The following RECQL variants were observed in gnomAD, a reference collection of about 807,000 sequenced individuals.
The protein encoded by RECQL is ATP-dependent DNA helicase Q1.
In RECQL, 73 loss-of-function variants were observed where a neutral mutation model predicts 75.8. The observed-to-expected ratio is 0.96, with a 90% CI of 0.80 to 1.17. RECQL has a LOEUF of 1.17. Among genes scored for constraint, RECQL ranks in the 50% most tolerant of loss-of-function variants. The pLI is 0.00. For synonymous variants in RECQL, 248 were observed against 254.4 expected (o/e 0.97, Z 0.24); for missense variants, 699 against 772.1 (o/e 0.91, Z 1.12).
In RECQL at chr12:21,483,390, T is replaced by C. The variant is rs771743018; in HGVS notation, c.686A>G (p.His229Arg). ...DEVHCCSQWG[H>R]DFRPDYKALG... ...AACATACATACCAGGTCTGAAATCA[T>C]GTCCCCACTGACTACAGCAGTGAAC... is the stretch of plus-strand genomic sequence containing the variant. The change falls in exon 6 of 15, where the codon CAT (histidine) becomes CGT (arginine). Residue 229 changes from histidine (H) to arginine (R), a missense_variant. His to Arg is a conservative substitution (Grantham distance 29, BLOSUM62 0). Around this residue, in one of 2 missense-constraint regions of RECQL, gnomAD observed 669 missense variants for 713.5 expected, o/e 0.94. Coordinates refer to ENST00000444129, the MANE Select transcript of RECQL (RefSeq NM_002907.4). 1.2e-5 allele frequency: 19 copies of C among 1,601,940 alleles called. No homozygotes were observed. The highest frequency in any genetic ancestry group is 1.5e-5 in the Non-Finnish European group (18 of 1,176,298).
At position 21,469,929 on chromosome 12, in the gene RECQL, A is replaced by G; in HGVS notation, c.*265T>C. On this transcript the variant is annotated 3_prime_UTR_variant, in exon 15 of 15. Coordinates refer to ENST00000444129, the MANE Select transcript of RECQL (RefSeq NM_002907.4). ...GGCATAAAAAACTTAAGACGATTGT[A>G]TGAACTTATTCTCAAATATTTTACA... The G allele has an allele frequency of 3.0e-6, 1 of 336,116 alleles. No individual in the cohort carries two copies. Among genetic ancestry groups the G allele is most frequent in the South Asian group, 4.9e-5 (1 of 20,474 alleles). 20.8% of individuals were successfully genotyped at this position (336,116 alleles called of 1,614,324 possible).
In RECQL at chr12:21,473,781, C is replaced by G. The variant is rs149541163; in HGVS notation, c.1356-139G>C. The G allele has an allele frequency of 5.8e-4, 380 of 653,098 alleles. 1 individual carries two copies. The East Asian group carries it at 9.9e-3, about 17-fold the overall frequency. 40.5% of individuals were successfully genotyped at this position (653,098 alleles called of 1,614,324 possible). ...TTACCATAAACTTAGTGGCTTTAAA[C>G]ACATTTATTCTTACATTTCTGTGGT... On this transcript the variant is annotated intron_variant, in intron 11 of 14. Coordinates refer to ENST00000444129, the MANE Select transcript of RECQL (RefSeq NM_002907.4).
chr12:21,474,878 G>T lies in RECQL; in HGVS notation c.1318C>A (p.Leu440Ile). 1.2e-6 allele frequency: 2 copies of T among 1,613,070 alleles called. No homozygotes were observed. Among genetic ancestry groups the T allele is most frequent in the South Asian group, 1.1e-5 (1 of 91,038 alleles). The change falls in exon 11 of 15, where the codon CTT becomes ATT. Residue 440 changes from leucine to isoleucine, a missense_variant. By Grantham distance (5) the Leu-to-Ile change is conservative. Around this residue, in one of 2 missense-constraint regions of RECQL, gnomAD observed 669 missense variants for 713.5 expected, o/e 0.94. Coordinates refer to ENST00000444129, the MANE Select transcript of RECQL (RefSeq NM_002907.4). Reference protein sequence around the residue: ...VVMENVGQQKLYEMVSYCQNI... With the variant: ...VVMENVGQQKIYEMVSYCQNI... ...TGACAGTATGATACCATCTCATAAA[G>T]CTTCTGCTGTCCCACATTTTCCATC...
rs1158488006 is a variant in RECQL, at chr12:21,473,647, A to C, written c.1356-5T>G. 2.5e-6 allele frequency: 4 copies of C among 1,609,808 alleles called. No homozygotes were observed. In the South Asian group the frequency reaches 3.3e-5, roughly 13 times the overall value. ...GCCATCAACACACGACGACATCTGC[A>C]AACACATTTAAAGATACAAATTATT... On this transcript the variant is annotated splice_polypyrimidine_tract_variant and splice_region_variant and intron_variant, in intron 11 of 14. Coordinates refer to ENST00000444129, the MANE Select transcript of RECQL (RefSeq NM_002907.4).
chr12:21,495,206 T>G (rs1206194163), intron 2 of RECQL, among the ~76,000 whole-genome samples: 1 of 152,136 alleles, frequency 6.6e-6, no homozygotes, highest in Non-Finnish European at 1.5e-5. Flanking sequence ...TTGGAGCCTG[T>G]TGGGGAAGGA....
chr12:21,490,693 AT>A (rs869217650), intron 3 of RECQL, among the ~76,000 whole-genome samples: 5 of 152,042 alleles, frequency 3.3e-5, no homozygotes, highest in African/African-American at 4.8e-5. Flanking sequence ...CTATAAAAAA[AT>A]TTTTTTTAAA....
intron 6 of RECQL, 66 bp downstream of exon 6, chr12:21,483,310 T>A: frequency 9.9e-7 from 1 of 1,012,830 alleles, no homozygotes; most frequent in Non-Finnish European, 1.5e-6. Context: ...GAGATTTCCA[T>A]CATGCCAAGC....
chr12:21,491,687 T>C lies in RECQL; in HGVS notation c.46A>G (p.Ser16Gly), dbSNP rs1943418187. The change falls in exon 3 of 15, where the codon AGT (serine) becomes GGT (glycine). Residue 16 changes from serine (S) to glycine (G), a missense_variant. Coordinates refer to ENST00000444129, the MANE Select transcript of RECQL (RefSeq NM_002907.4). The part of the protein sequence containing the change: ...ALTEELDSIT[S>G]ELHAVEIQIQ... Reference sequence around the variant, plus strand: ...TGAATTTCTACTGCATGTAGCTCACTGGTTATAGAATCCAGTTCCTCAGTT... The same window carrying C: ...TGAATTTCTACTGCATGTAGCTCACCGGTTATAGAATCCAGTTCCTCAGTT... 1.9e-6 allele frequency: 3 copies of C among 1,613,436 alleles called. No individual in the cohort carries two copies. Among genetic ancestry groups the C allele is most frequent in the Non-Finnish European group, 1.7e-6 (2 of 1,179,704 alleles).
At chr12:21,477,684 C>T in intron 7 of RECQL, 119 bp downstream of exon 7, 1 of 679,548 alleles carries the variant, frequency 1.5e-6, no homozygotes, top group Non-Finnish European at 2.3e-6. Flanking sequence ...ATAATTACCT[C>T]CTAATGTTAA....
intron 6 of RECQL, among the ~76,000 whole-genome samples, chr12:21,481,435 T>A (rs1405147538): frequency 6.6e-6 from 1 of 152,046 alleles, no homozygotes; most frequent in African/African-American, 2.4e-5. Context: ...ACATAAGTCA[T>A]GGTAATACTT....
chr12:21,488,071 T>A (rs369296085), intron 4 of RECQL, among the ~76,000 whole-genome samples: 3 of 152,180 alleles, frequency 2.0e-5, no homozygotes, highest in East Asian at 3.9e-4. Flanking sequence ...ACTCACCAGT[T>A]CCACTTCCTC....
chr12:21,472,552 TAGA>T (rs386761073), intron 12 of RECQL, among the ~76,000 whole-genome samples: 2,876 of 152,138 alleles, frequency 0.019, 83 homozygotes, highest in African/African-American at 0.064. Flanking sequence ...AGGGAGTTCC[TAGA>T]ACCATGTAAT....
At chr12:21,484,573 T>C (rs985777094) in intron 5 of RECQL, among the ~76,000 whole-genome samples, 2 of 152,088 alleles carry the variant, frequency 1.3e-5, no homozygotes, top group African/African-American at 4.8e-5. Flanking sequence ...CAGGGCTTCT[T>C]AGAGGTATGG....
intron 10 of RECQL, among the ~76,000 whole-genome samples, chr12:21,475,256 A>C (rs1463649237): frequency 6.6e-6 from 1 of 152,122 alleles, no homozygotes; most frequent in Non-Finnish European, 1.5e-5. Flanking sequence ...ATGAACATCA[A>C]ATTATCTTAA....
chr12:21,476,960 A>G lies in RECQL; in HGVS notation c.900T>C (p.Phe300=). The G allele has an allele frequency of 6.2e-7, 1 of 1,610,470 alleles. No individual in the cohort carries two copies. The highest frequency in any genetic ancestry group is 8.5e-7 in the Non-Finnish European group (1 of 1,178,496). The change falls in exon 8 of 15, where the codon TTT becomes TTC. Residue 300 remains phenylalanine (F), a synonymous_variant. Coordinates refer to ENST00000444129, the MANE Select transcript of RECQL (RefSeq NM_002907.4). ...VRQKPSNTED[F]IEDIVKLING... is the part of the protein sequence containing the mutation. Reference sequence around the variant, plus strand: ...TAATGAGCTTTACAATATCCTCAATAAAATCTTCAGTGTTTGAGGGCTTCT... The same window carrying G: ...TAATGAGCTTTACAATATCCTCAATGAAATCTTCAGTGTTTGAGGGCTTCT...
intron 14 of RECQL, chr12:21,470,734 TCC>T (rs1942929254): frequency 2.9e-6 from 1 of 343,212 alleles, no homozygotes; most frequent in Non-Finnish European, 5.1e-6. Flanking sequence ...TCAAACGGAG[TCC>T]TCCCATTCCA....
At chr12:21,471,702 G>T in intron 12 of RECQL, 55 bp from the exon 13 acceptor site, 1 of 1,392,140 alleles carries the variant, frequency 7.2e-7, no homozygotes. Context: ...TGAGGGCAAA[G>T]ATAGGCTATC....
chr12:21,473,295 G>C (rs1263603002), intron 12 of RECQL, among the ~76,000 whole-genome samples: 8 of 151,992 alleles, frequency 5.3e-5, no homozygotes, highest in African/African-American at 1.5e-4. Flanking sequence ...TCTATGTTTA[G>C]ATACACAAAT....
chr12:21,473,453 GA>G (rs1800319769), intron 12 of RECQL, 97 bp downstream of exon 12: 1 of 895,932 alleles, frequency 1.1e-6, no homozygotes. Flanking sequence ...TTTGCACAAT[GA>G]CAAAATCACC....
Sources: allele counts gnomAD v4.1 joint callset (sites outside exome capture counted in the v4.1 genomes callset), GRCh38; gene constraint gnomAD v4.1.1; regional missense constraint gnomAD v4.1.1; transcripts MANE v1.5; gene names NCBI Gene and HGNC (gene_info 2026-07-23, HGNC 2026-07-21).